FRK: variants seen among roughly 807,000 people sequenced by gnomAD.
FRK encodes the protein fyn related Src family tyrosine kinase, also known as tyrosine-protein kinase FRK.
Under a neutral mutation model 56.4 loss-of-function variants are expected in FRK, and 51 were observed. The observed-to-expected ratio is 0.90, with a 90% CI of 0.72 to 1.14. FRK has a LOEUF of 1.14. Ranked by LOEUF, FRK falls within the 50% of genes most tolerant of loss-of-function variation. The probability of loss-of-function intolerance (pLI) is 0.00; values close to 1 mark genes in which losing one functional copy is unlikely to be tolerated. For missense variants in FRK, 570 were observed against 601.4 expected (o/e 0.95, Z 0.55); for synonymous variants, 245 against 217.9 (o/e 1.12, Z -1.10).
chr6:116,036,812 C>T (rs1457002652), intron 1 of FRK, among the ~76,000 whole-genome samples: 1 of 152,042 alleles, frequency 6.6e-6, no homozygotes, highest in Non-Finnish European at 1.5e-5. Flanking sequence ...ATATGTTGAG[C>T]AAATTAAATG....
intron 2 of FRK, among the ~76,000 whole-genome samples, chr6:115,997,923 C>T (rs1450830501): frequency 2.6e-5 from 4 of 152,206 alleles, no homozygotes; most frequent in Non-Finnish European, 5.9e-5. Context: ...GCTGCCATTT[C>T]CCACAGCACT....
At chr6:116,061,399 A>ACACAC (rs1777618712), upstream of FRK, among the ~76,000 whole-genome samples, 1 of 146,574 alleles carries the variant, frequency 6.8e-6, no homozygotes, top group East Asian at 2.0e-4. Context: ...CTATTTGGGA[A>ACACAC]ACACACACAC....
the FRK span, among the ~76,000 whole-genome samples, chr6:116,089,584 G>A: frequency 2.6e-5 from 4 of 152,232 alleles, no homozygotes; most frequent in Non-Finnish European, 5.9e-5. Context: ...GTAGACGGCT[G>A]CCTTCTCACT....
In FRK at chr6:116,018,588, G is replaced by T. The variant is rs527918155; in HGVS notation, c.345-14590C>A. ...CTCTTACAAAGTGTTTTCATAAGAGGATATACTCTAATAATACACAATGGA... is the reference window on the plus strand; with the variant it reads ...CTCTTACAAAGTGTTTTCATAAGAGTATATACTCTAATAATACACAATGGA... On this transcript the variant is annotated intron_variant, in intron 1 of 7. Coordinates refer to ENST00000606080, the MANE Select transcript of FRK (RefSeq NM_002031.3). Among the ~76,000 whole-genome samples, 5 of 152,152 alleles carry T rather than the reference G, an allele frequency of 3.3e-5. No homozygotes were observed. In the South Asian group the frequency reaches 1.0e-3, roughly 32 times the overall value.
At chr6:116,026,782 AC>A (rs921787339) in intron 1 of FRK, among the ~76,000 whole-genome samples, 1 of 152,074 alleles carries the variant, frequency 6.6e-6, no homozygotes, top group Non-Finnish European at 1.5e-5. Context: ...CAAAGAATTT[AC>A]CAGAAGGAAG....
intron 2 of FRK, among the ~76,000 whole-genome samples, chr6:115,991,242 C>T (rs1007836202): frequency 2.6e-5 from 4 of 151,814 alleles, no homozygotes; most frequent in African/African-American, 9.7e-5. Context: ...ATCCACTTTT[C>T]CAATTTAAAT....
At chr6:115,953,924 TA>T (rs913348794) in intron 5 of FRK, among the ~76,000 whole-genome samples, 1 of 152,116 alleles carries the variant, frequency 6.6e-6, no homozygotes, top group African/African-American at 2.4e-5. Context: ...CAGAGGATAC[TA>T]AAAATAAGCC....
the FRK span, among the ~76,000 whole-genome samples, chr6:116,069,593 A>C: frequency 6.6e-6 from 1 of 152,160 alleles, no homozygotes; most frequent in South Asian, 2.1e-4. Flanking sequence ...ACTAAAAATC[A>C]ATCTCACTTG....
chr6:116,071,159 T>C, the FRK span, among the ~76,000 whole-genome samples: 3 of 152,240 alleles, frequency 2.0e-5, no homozygotes, highest in Admixed American at 2.0e-4. Flanking sequence ...GGTCAGTATA[T>C]AATAAAAGCC....
chr6:116,074,233 C>T, the FRK span, among the ~76,000 whole-genome samples: 2 of 152,170 alleles, frequency 1.3e-5, no homozygotes, highest in South Asian at 4.1e-4. Flanking sequence ...CTCATCTGTC[C>T]TCATAATGAC....
chr6:115,952,602 G>T (rs1191465808), intron 5 of FRK, among the ~76,000 whole-genome samples: 1 of 151,606 alleles, frequency 6.6e-6, no homozygotes, highest in East Asian at 1.9e-4. Flanking sequence ...AAATCATGCT[G>T]CTATAAAGAC....
the FRK span, among the ~76,000 whole-genome samples, chr6:116,097,784 C>T: frequency 6.6e-6 from 1 of 152,160 alleles, no homozygotes; most frequent in African/African-American, 2.4e-5. Flanking sequence ...TCTAAAACTT[C>T]ACAGCATGGT....
chr6:115,975,343 C>A (rs1773953638), intron 2 of FRK, among the ~76,000 whole-genome samples: 1 of 151,948 alleles, frequency 6.6e-6, no homozygotes, highest in Admixed American at 6.6e-5. Flanking sequence ...AAAAATAAGA[C>A]AACAAAAGCT....
At position 115,942,504 on chromosome 6, in the gene FRK, T is replaced by C. The variant is rs1467525588; in HGVS notation, c.1428A>G (p.Glu476=). The C allele has an allele frequency of 6.2e-7, 1 of 1,613,824 alleles. No homozygotes were observed. Among genetic ancestry groups the C allele is most frequent in the Non-Finnish European group, 8.5e-7 (1 of 1,179,802 alleles). ...MLECWNAEPK[E]RPTFETLRWK... Reference sequence around the variant, plus strand: ...AACGCAGTGTCTCAAATGTAGGTCGTTCCTTAGGCTCTGCATTCCAGCACT... The same window carrying C: ...AACGCAGTGTCTCAAATGTAGGTCGCTCCTTAGGCTCTGCATTCCAGCACT... The change falls in exon 8 of 8, where the codon GAA becomes GAG. Residue 476 remains glutamate, a synonymous_variant. Coordinates refer to ENST00000606080, the MANE Select transcript of FRK (RefSeq NM_002031.3).
Position 116,060,480 on chromosome 6 carries a change from A to T in FRK, c.-169T>A. The T allele has an allele frequency of 1.6e-6, 1 of 606,684 alleles. No homozygotes were observed. The highest frequency in any genetic ancestry group is 2.8e-5 in the East Asian group (1 of 35,950). 37.6% of individuals were successfully genotyped at this position (606,684 alleles called of 1,614,324 possible). On this transcript the variant is annotated 5_prime_UTR_variant, in exon 1 of 8. It adds an upstream start codon to the 5' untranslated region. Transcript: ENST00000606080. Reference sequence around the variant, plus strand: ...TCAGTCCAGCAGCTGGGTTGCAGCAAGTCCTACCTGGAGAGACTTACCGGC... The same window carrying T: ...TCAGTCCAGCAGCTGGGTTGCAGCATGTCCTACCTGGAGAGACTTACCGGC...
At chr6:116,004,407 G>A (rs1775176460) in intron 1 of FRK, among the ~76,000 whole-genome samples, 1 of 152,112 alleles carries the variant, frequency 6.6e-6, no homozygotes, top group Non-Finnish European at 1.5e-5. Flanking sequence ...GAGCTGTTAG[G>A]AGGCAAATAT....
At chr6:115,971,196 C>T (rs760847320) in intron 2 of FRK, among the ~76,000 whole-genome samples, 5 of 152,102 alleles carry the variant, frequency 3.3e-5, no homozygotes, top group Non-Finnish European at 7.4e-5. Flanking sequence ...ATGGTTCATG[C>T]TGTATTATTT....
intron 1 of FRK, among the ~76,000 whole-genome samples, chr6:116,008,395 G>A (rs1394546965): frequency 1.3e-5 from 2 of 152,162 alleles, no homozygotes; most frequent in East Asian, 3.8e-4. Flanking sequence ...TTGACTGAAT[G>A]CATCAATTCA....
At chr6:116,027,057 T>C (rs1776120539) in intron 1 of FRK, among the ~76,000 whole-genome samples, 1 of 152,204 alleles carries the variant, frequency 6.6e-6, no homozygotes, top group Non-Finnish European at 1.5e-5. Context: ...AACTGTTAAA[T>C]GCATTAGGAA....
Sources: gnomAD v4.1 joint callset for allele counts (sites outside exome capture counted in the v4.1 genomes callset) on GRCh38, gnomAD v4.1.1 for gene constraint, MANE v1.5 for transcripts, NCBI Gene and HGNC (gene_info 2026-07-23, HGNC 2026-07-21) for gene names.